The following PARPBP variants were observed in gnomAD, a reference collection of about 807,000 sequenced individuals.
PARPBP encodes the protein PARP1 binding protein, also known as PCNA-interacting partner.
In PARPBP, 52 loss-of-function variants were observed where a neutral mutation model predicts 50.0. The ratio of observed to expected loss-of-function variants is 1.04; its 90% CI spans 0.83 to 1.31. The LOEUF is 1.31. Among genes scored for constraint, PARPBP ranks in the 50% most tolerant of loss-of-function variants. The pLI, the probability that PARPBP is intolerant of heterozygous loss-of-function variation, is 0.00. For missense variants in PARPBP, 697 were observed against 672.0 expected, an observed-to-expected ratio of 1.04 and a Z score of -0.41; for synonymous variants, 244 against 232.1, an observed-to-expected ratio of 1.05 and a Z score of -0.47.
In PARPBP at chr12:102,197,499, C is replaced by T. The variant is rs759075752; in HGVS notation, c.*1208C>T. Reference sequence around the variant, plus strand: ...TCATTTAAATTTTCATTGAAATAAACGACAAGTCACATTGCCACTTACCTT... The same window carrying T: ...TCATTTAAATTTTCATTGAAATAAATGACAAGTCACATTGCCACTTACCTT... On this transcript the variant is annotated 3_prime_UTR_variant, in exon 11 of 11. Coordinates refer to ENST00000327680, the MANE Select transcript of PARPBP (RefSeq NM_017915.5). The T allele has an allele frequency of 1.7e-5, 26 of 1,574,558 alleles. No homozygotes were observed. The highest frequency in any genetic ancestry group is 1.8e-4 in the Middle Eastern group (1 of 5,454).
chr12:102,171,222 A>G (rs568031905), intron 6 of PARPBP, among the ~76,000 whole-genome samples: 1 of 152,102 alleles, frequency 6.6e-6, no homozygotes, highest in African/African-American at 2.4e-5. Flanking sequence ...CACATAAACC[A>G]GTAAGAGTCA....
At chr12:102,147,091 A>G (rs866313424) in intron 2 of PARPBP, among the ~76,000 whole-genome samples, 11 of 152,186 alleles carry the variant, frequency 7.2e-5, no homozygotes, top group African/African-American at 1.9e-4. Flanking sequence ...AGGATGTGGA[A>G]AAATAGGAAC....
intron 3 of PARPBP, among the ~76,000 whole-genome samples, chr12:102,149,635 T>A (rs1024793607): frequency 1.3e-5 from 2 of 152,190 alleles, no homozygotes; most frequent in African/African-American, 4.8e-5. Flanking sequence ...AGAATATAGA[T>A]CTTATTCTGG....
chr12:102,143,557 C>T (rs1028685244), intron 2 of PARPBP, among the ~76,000 whole-genome samples: 15 of 152,322 alleles, frequency 9.8e-5, no homozygotes, highest in African/African-American at 2.4e-4. Flanking sequence ...TCATCTTCTG[C>T]GTCGCTCATA....
chr12:102,157,558 G>T (rs1004943344), intron 4 of PARPBP, among the ~76,000 whole-genome samples: 4 of 151,654 alleles, frequency 2.6e-5, no homozygotes, highest in African/African-American at 9.7e-5. Context: ...ATCTTGCTTA[G>T]ATTTTGGTTT....
chr12:102,123,990 A>G lies in PARPBP; in HGVS notation c.102A>G (p.Ala34=), dbSNP rs373191429. 6.5e-7 allele frequency: 1 copy of G among 1,534,860 alleles called. No homozygotes were observed. The highest frequency in any genetic ancestry group is 8.7e-7 in the Non-Finnish European group (1 of 1,145,776). ...CNSERTTLCG[A]DSMLLALQLS... is the part of the protein sequence containing the mutation. ...CTGAGAGAACTACTCTATGTGGTGC[A>G]GACTCCATGCTCTTGGCATTGCAGC... The change falls in exon 2 of 11, where the codon GCA becomes GCG. Residue 34 remains alanine, a synonymous_variant. Coordinates refer to ENST00000327680, the MANE Select transcript of PARPBP (RefSeq NM_017915.5).
At chr12:102,121,209 G>A (rs1268692622) in intron 1 of PARPBP, among the ~76,000 whole-genome samples, 1 of 152,218 alleles carries the variant, frequency 6.6e-6, no homozygotes, top group Non-Finnish European at 1.5e-5. Context: ...TAGACCAGGG[G>A]TTGGCAAACT....
At chr12:102,184,959 TTGAAA>T (rs1462874668) in intron 9 of PARPBP, among the ~76,000 whole-genome samples, 3 of 152,208 alleles carry the variant, frequency 2.0e-5, no homozygotes, top group African/African-American at 4.8e-5. Flanking sequence ...AGAAAATATC[TTGAAA>T]TGAGCATTTC....
chr12:102,175,636 T>A lies in PARPBP; in HGVS notation c.975T>A (p.Ala325=). The A allele has an allele frequency of 6.2e-7, 1 of 1,613,412 alleles. No individual in the cohort carries two copies. Among genetic ancestry groups the A allele is most frequent in the Non-Finnish European group, 8.5e-7 (1 of 1,179,402 alleles). The change falls in exon 7 of 11, where the codon GCT becomes GCA. Residue 325 remains alanine, a synonymous_variant. Coordinates refer to ENST00000327680, the MANE Select transcript of PARPBP (RefSeq NM_017915.5). ...TCAATTCTCAAGAAGGTGTTGTAGC[T>A]CTTAGCACCACTGACATCAGTCCTG... ...NIINSQEGVV[A]LSTTDISPAR...
chr12:102,194,228 G>A, intron 9 of PARPBP, among the ~76,000 whole-genome samples: 1 of 151,946 alleles, frequency 6.6e-6, no homozygotes, highest in East Asian at 1.9e-4. Flanking sequence ...ATAAAGTCAT[G>A]CTGTTTTAGA....
At chr12:102,184,648 T>C (rs1490270587) in intron 9 of PARPBP, among the ~76,000 whole-genome samples, 1 of 152,200 alleles carries the variant, frequency 6.6e-6, no homozygotes, top group Admixed American at 6.5e-5. Context: ...ACAGTAGAGC[T>C]GACTTAGTCT....
At chr12:102,135,273 G>A (rs1396998589) in intron 2 of PARPBP, among the ~76,000 whole-genome samples, 1 of 152,102 alleles carries the variant, frequency 6.6e-6, no homozygotes, top group Non-Finnish European at 1.5e-5. Flanking sequence ...GGCCGGGCAT[G>A]GTGGCTCACG....
At chr12:102,195,192 G>A (rs907929763) in intron 9 of PARPBP, 120 bp from the exon 10 acceptor site, 1 of 547,202 alleles carries the variant, frequency 1.8e-6, no homozygotes, top group Non-Finnish European at 3.1e-6. Context: ...TTCTCAATGA[G>A]TAATAGAATT....
In PARPBP at chr12:102,175,555, T is replaced by C. The variant is rs1565894898; in HGVS notation, c.894T>C (p.Phe298=). ...AAGGCCAAAACAGCAGGGATCCTTT[T>C]TGCAAAGCAATAGAGGAAGTTGCTC... ...LIKGQNSRDP[F]CKAIEEVAQD... is the part of the protein sequence containing the mutation. Residue 298 remains phenylalanine, a synonymous_variant, in exon 7 of 11, where the codon TTT becomes TTC. Transcript: ENST00000327680. 2 of 1,613,282 alleles carry C rather than the reference T, an allele frequency of 1.2e-6. No homozygotes were observed. The highest frequency in any genetic ancestry group is 1.7e-6 in the Non-Finnish European group (2 of 1,179,288).
intron 2 of PARPBP, among the ~76,000 whole-genome samples, chr12:102,138,008 G>C (rs980220471): frequency 6.6e-6 from 1 of 152,080 alleles, no homozygotes; most frequent in African/African-American, 2.4e-5. Context: ...ATAATCCTTT[G>C]GGTATATACC....
chr12:102,132,565 T>C (rs1883033380), intron 2 of PARPBP, among the ~76,000 whole-genome samples: 1 of 152,232 alleles, frequency 6.6e-6, no homozygotes, highest in Non-Finnish European at 1.5e-5. Flanking sequence ...AGTTTTGTAG[T>C]ATAGTTTGAA....
At chr12:102,168,677 CT>C (rs1888394851) in intron 6 of PARPBP, among the ~76,000 whole-genome samples, 1 of 152,108 alleles carries the variant, frequency 6.6e-6, no homozygotes, top group East Asian at 1.9e-4. Context: ...GTCAAGAATG[CT>C]TATCTGGATG....
intron 9 of PARPBP, among the ~76,000 whole-genome samples, chr12:102,186,390 T>A (rs1014961044): frequency 2.6e-5 from 4 of 152,068 alleles, no homozygotes; most frequent in African/African-American, 9.6e-5. Context: ...GCTTTTCTAG[T>A]CCCATAAGAT....
intron 9 of PARPBP, among the ~76,000 whole-genome samples, chr12:102,191,805 A>G (rs970917458): frequency 2.6e-5 from 4 of 152,142 alleles, no homozygotes; most frequent in African/African-American, 4.8e-5. Context: ...AATACTTTCA[A>G]TCCATTTCTC....
Sources: gnomAD v4.1 joint callset for allele counts (sites outside exome capture counted in the v4.1 genomes callset) on GRCh38, gnomAD v4.1.1 for gene constraint, MANE v1.5 for transcripts, NCBI Gene and HGNC (gene_info 2026-07-23, HGNC 2026-07-21) for gene names.